Variants in PPP2R2B observed in about 807,000 individuals in gnomAD.
The protein encoded by PPP2R2B is serine/threonine-protein phosphatase 2A 55 kDa regulatory subunit B beta isoform.
PPP2R2B carries 5 observed loss-of-function variants against 46.0 expected under a neutral mutation model. The observed-to-expected ratio is 0.11, with a 90% CI of 0.06 to 0.23. The LOEUF (loss-of-function observed/expected upper bound fraction) is 0.23, where lower values mean the gene tolerates loss of function less well. Ranked by LOEUF, PPP2R2B falls within the 10% of genes least tolerant of loss-of-function variation. The pLI is 1.00. For missense variants in PPP2R2B, 367 were observed against 575.0 expected (o/e 0.64, Z 3.70); for synonymous variants, 215 against 206.7 (o/e 1.04, Z -0.34).
At chr5:146,773,257 C>T (rs193897) in intron 2 of PPP2R2B, among the ~76,000 whole-genome samples, 126,747 of 152,184 alleles carry the variant, frequency 0.83, 53,107 homozygotes, top group East Asian at 0.89. Context: ...CCATACTGCA[C>T]AGCCGTTTGC....
At chr5:146,633,129 C>T (rs1774550891) in intron 7 of PPP2R2B, among the ~76,000 whole-genome samples, 1 of 152,086 alleles carries the variant, frequency 6.6e-6, no homozygotes, top group South Asian at 2.1e-4. Context: ...GTCACTACCG[C>T]CAGAAGTGGT....
intron 2 of PPP2R2B, among the ~76,000 whole-genome samples, chr5:146,749,606 CTTTTTTTTT>C (rs1045634394): frequency 1.1e-4 from 11 of 103,840 alleles, no homozygotes; most frequent in African/African-American, 4.0e-4. Context: ...CTTTTCTTTT[CTTTTTTTTT>C]TTTTTTTTTT....
chr5:146,638,865 G>A (rs1775003582), intron 6 of PPP2R2B, among the ~76,000 whole-genome samples: 1 of 152,058 alleles, frequency 6.6e-6, no homozygotes, highest in African/African-American at 2.4e-5. Flanking sequence ...TATAATAATA[G>A]AGTGCATATC....
chr5:146,782,553 TTC>T (rs768194058), intron 2 of PPP2R2B, among the ~76,000 whole-genome samples: 55 of 152,234 alleles, frequency 3.6e-4, no homozygotes, highest in Non-Finnish European at 7.3e-4. Flanking sequence ...TAGCAAATTT[TTC>T]TGTTTGCTCT....
intron 2 of PPP2R2B, among the ~76,000 whole-genome samples, chr5:146,728,417 C>T (rs913759798): frequency 5.3e-5 from 8 of 151,956 alleles, no homozygotes; most frequent in African/African-American, 1.9e-4. Context: ...TTTTTTCTCT[C>T]AGAAGAGAGA....
intron 2 of PPP2R2B, among the ~76,000 whole-genome samples, chr5:146,732,980 T>C (rs1284023610): frequency 1.3e-5 from 2 of 152,210 alleles, no homozygotes; most frequent in Admixed American, 6.5e-5. Flanking sequence ...TGCTATCTAT[T>C]GGCCATAAAT....
chr5:147,074,678 C>A (rs1439080688), intron 2 of PPP2R2B, among the ~76,000 whole-genome samples: 1 of 152,122 alleles, frequency 6.6e-6, no homozygotes, highest in Non-Finnish European at 1.5e-5. Context: ...ATTTCTTAAA[C>A]ATCCATGCAA....
At chr5:146,627,576 C>A (rs1309649499) in intron 7 of PPP2R2B, among the ~76,000 whole-genome samples, 1 of 152,134 alleles carries the variant, frequency 6.6e-6, no homozygotes. Context: ...GTGAAATTAT[C>A]CTTCTGGATT....
At chr5:146,775,941 A>G (rs1755154916) in intron 2 of PPP2R2B, among the ~76,000 whole-genome samples, 2 of 152,172 alleles carry the variant, frequency 1.3e-5, no homozygotes, top group African/African-American at 4.8e-5. Context: ...AGACTTGTAC[A>G]CTGAAAACTA....
chr5:146,829,059 T>A lies in PPP2R2B; in HGVS notation c.70+48943A>T, dbSNP rs888629022. Among the ~76,000 whole-genome samples, 6 of 152,262 alleles carry A rather than the reference T, an allele frequency of 3.9e-5. No homozygotes were observed. The Middle Eastern group carries it at 0.014, about 345-fold the overall frequency. ...CTTTTTATGGAAAGAAAAAATTTTT[T>A]AAAAAAACCTGCTTAATGTGATTTA... On this transcript the variant is annotated intron_variant, in intron 2 of 9. Coordinates refer to ENST00000394411, the MANE Select transcript of PPP2R2B (RefSeq NM_181675.4).
At chr5:146,666,317 C>G (rs1355585319) in intron 5 of PPP2R2B, among the ~76,000 whole-genome samples, 1 of 152,152 alleles carries the variant, frequency 6.6e-6, no homozygotes, top group Admixed American at 6.6e-5. Context: ...ATACACCAAA[C>G]TAGCAACCTT....
chr5:146,812,793 GTATATATA>G (rs1201054676), intron 2 of PPP2R2B, among the ~76,000 whole-genome samples: 1 of 12,114 alleles, frequency 8.3e-5, no homozygotes, highest in Non-Finnish European at 1.6e-4. Flanking sequence ...GTATATGTGT[GTATATATA>G]TATATATATA....
intron 1 of PPP2R2B, among the ~76,000 whole-genome samples, chr5:146,947,889 G>A (rs1764533478): frequency 6.6e-6 from 1 of 151,272 alleles, no homozygotes; most frequent in South Asian, 2.1e-4. Flanking sequence ...TTTTCCTCAA[G>A]GCGAAATCCC....
At chr5:146,995,613 A>G (rs56185110) in intron 1 of PPP2R2B, among the ~76,000 whole-genome samples, 5 of 152,228 alleles carry the variant, frequency 3.3e-5, no homozygotes, top group Non-Finnish European at 5.9e-5. Context: ...GTTCAACTCC[A>G]TATTTCCTGC....
chr5:146,692,789 C>T (rs1232958250), intron 4 of PPP2R2B, among the ~76,000 whole-genome samples: 3 of 152,146 alleles, frequency 2.0e-5, no homozygotes, highest in African/African-American at 4.8e-5. Flanking sequence ...CTGCCTCGGT[C>T]TCCCAAAGTG....
chr5:146,590,095 A>C lies in PPP2R2B; in HGVS notation c.1184T>G (p.Val395Gly), dbSNP rs778098894. Residue 395 changes from valine (V) to glycine (G), a missense_variant, in exon 10 of 10, where the codon GTG becomes GGG. Val to Gly is a moderately radical substitution (Grantham distance 109, BLOSUM62 -3). This residue lies in a region of PPP2R2B where 361 missense variants were observed against 545.5 expected (regional missense o/e 0.66). Transcript: ENST00000394411. ...CTCGTCTTTTCTCCGCTTGCCCCCCACACACACTTTTCGGGGTTTGAGGAT... is the reference window on the plus strand; with the variant it reads ...CTCGTCTTTTCTCCGCTTGCCCCCCCCACACACTTTTCGGGGTTTGAGGAT... The part of the protein sequence containing the change: ...RAILKPRKVC[V>G]GGKRRKDEIS... The C allele has an allele frequency of 1.2e-5, 19 of 1,613,994 alleles. No individual in the cohort carries two copies. Among genetic ancestry groups the C allele is most frequent in the African/African-American group, 5.3e-5 (4 of 74,986 alleles).
intron 6 of PPP2R2B, among the ~76,000 whole-genome samples, chr5:146,644,261 A>AAAAAAAAG (rs1554118466): frequency 1.3e-5 from 1 of 76,088 alleles, no homozygotes; most frequent in African/African-American, 4.6e-5. Flanking sequence ...AAAAAAAAAA[A>AAAAAAAAG]AAGAAGAAGA....
chr5:146,643,370 G>A (rs181783460), intron 6 of PPP2R2B, among the ~76,000 whole-genome samples: 220 of 152,238 alleles, frequency 1.4e-3, no homozygotes, highest in Admixed American at 2.6e-3. Context: ...TTCTAGTAGG[G>A]AACAGTCAAT....
intron 1 of PPP2R2B, among the ~76,000 whole-genome samples, chr5:146,885,061 A>G (rs1323254727): frequency 2.0e-5 from 3 of 152,192 alleles, no homozygotes; most frequent in Admixed American, 2.0e-4. Context: ...GGCAAATTAT[A>G]ATGAGTTCAT....
Sources: allele counts gnomAD v4.1 joint callset (sites outside exome capture counted in the v4.1 genomes callset), GRCh38; gene constraint gnomAD v4.1.1; regional missense constraint gnomAD v4.1.1; transcripts MANE v1.5; gene names NCBI Gene and HGNC (gene_info 2026-07-23, HGNC 2026-07-21).